THRAP3: variants seen among roughly 807,000 people sequenced by gnomAD.
THRAP3 encodes the protein thyroid hormone receptor-associated protein 3.
Under a neutral mutation model 101.0 loss-of-function variants are expected in THRAP3, and 16 were observed. The observed-to-expected ratio is 0.16, with a 90% CI of 0.11 to 0.24. THRAP3 has a LOEUF of 0.24. THRAP3 is among the 10% of genes least tolerant of loss of function. THRAP3 has a pLI of 1.00. For missense variants in THRAP3, 989 were observed against 1,202.7 expected, an observed-to-expected ratio of 0.82 and a Z score of 2.63; for synonymous variants, 407 against 422.6, an observed-to-expected ratio of 0.96 and a Z score of 0.45.
intron 2 of THRAP3, among the ~76,000 whole-genome samples, chr1:36,266,160 G>GA (rs11446813): frequency 0.59 from 82,109 of 139,046 alleles, 24,607 homozygotes; most frequent in East Asian, 0.71. Flanking sequence ...CTCAAAAAAA[G>GA]AAAAAAAAAA....
rs56296251 is a variant in THRAP3, at chr1:36,287,655, A to G, written c.1040+385A>G. The stretch of plus-strand genomic sequence containing the variant: ...TTAGACCCTCTAGCACCCACCATCT[A>G]CTATGTTCGATCTGCATCAGCCTAT... On this transcript the variant is annotated intron_variant, in intron 4 of 11. Transcript: ENST00000354618. 3 of 985,332 alleles carry G rather than the reference A, an allele frequency of 3.0e-6. No homozygotes were observed. The African/African-American group carries it at 5.2e-5, about 17-fold the overall frequency. 61.0% of individuals were successfully genotyped at this position (985,332 alleles called of 1,614,324 possible).
At chr1:36,283,580 A>G (rs1228403066) in intron 3 of THRAP3, among the ~76,000 whole-genome samples, 3 of 152,076 alleles carry the variant, frequency 2.0e-5, no homozygotes, top group Non-Finnish European at 2.9e-5. Flanking sequence ...TACATTAGCA[A>G]GGAGATGATT....
At chr1:36,226,980 G>T (rs1386226779) in intron 1 of THRAP3, among the ~76,000 whole-genome samples, 5 of 152,188 alleles carry the variant, frequency 3.3e-5, no homozygotes, top group African/African-American at 1.2e-4. Context: ...CACTGAAAAG[G>T]GGGAGACCTA....
chr1:36,250,216 T>C (rs1031166182), intron 1 of THRAP3, among the ~76,000 whole-genome samples: 1 of 117,698 alleles, frequency 8.5e-6, no homozygotes, highest in Non-Finnish European at 2.1e-5. Flanking sequence ...TAGGCATACT[T>C]TTTTTTTTTT....
chr1:36,243,869 G>C (rs1455847321), intron 1 of THRAP3, among the ~76,000 whole-genome samples: 11 of 143,734 alleles, frequency 7.7e-5, no homozygotes, highest in East Asian at 2.2e-4. Flanking sequence ...CTGGCCGGGT[G>C]GGGGGCTGAC....
chr1:36,228,264 C>G (rs905843984), intron 1 of THRAP3, among the ~76,000 whole-genome samples: 2 of 151,870 alleles, frequency 1.3e-5, no homozygotes, highest in African/African-American at 4.8e-5. Context: ...GTCACCCAGG[C>G]TGGAGTGCAA....
chr1:36,266,015 A>C (rs1476023373), intron 2 of THRAP3, among the ~76,000 whole-genome samples: 1 of 151,966 alleles, frequency 6.6e-6, no homozygotes, highest in East Asian at 1.9e-4. Flanking sequence ...TTAGCCAGGC[A>C]TGGTGACATG....
At chr1:36,213,993 GAAAGGAAAGAAAGAAA>G in the THRAP3 span, among the ~76,000 whole-genome samples, 759 of 83,768 alleles carry the variant, frequency 9.1e-3, 6 homozygotes, top group African/African-American at 0.02. Flanking sequence ...AAGAAAGAAA[GAAAGGAAAGAAAGAAA>G]GAAAGAAAGA....
At chr1:36,214,946 G>A in the THRAP3 span, among the ~76,000 whole-genome samples, 1 of 152,072 alleles carries the variant, frequency 6.6e-6, no homozygotes, top group African/African-American at 2.4e-5. Flanking sequence ...AATGGCCTGG[G>A]CGCGGTGGCT....
chr1:36,279,256 G>A (rs895559800), intron 2 of THRAP3, among the ~76,000 whole-genome samples: 1 of 152,006 alleles, frequency 6.6e-6, no homozygotes, highest in Non-Finnish European at 1.5e-5. Flanking sequence ...CACCTGTTGT[G>A]TAAGTCATCT....
the THRAP3 span, among the ~76,000 whole-genome samples, chr1:36,217,959 A>G: frequency 6.6e-6 from 1 of 152,298 alleles, no homozygotes; most frequent in African/African-American, 2.4e-5. Context: ...CTTTAAATCA[A>G]AAGCTAGAAA....
chr1:36,262,771 A>G (rs1242711019), intron 2 of THRAP3, among the ~76,000 whole-genome samples: 1 of 150,138 alleles, frequency 6.7e-6, no homozygotes, highest in African/African-American at 2.4e-5. Flanking sequence ...CTTCTATTTT[A>G]TTTTATTTTA....
intron 2 of THRAP3, among the ~76,000 whole-genome samples, chr1:36,280,813 A>G (rs1645721356): frequency 2.0e-5 from 3 of 152,016 alleles, no homozygotes. Context: ...CCAGGCGTTA[A>G]CCTCTCAGGG....
chr1:36,255,773 A>AG (rs144680015), intron 1 of THRAP3, among the ~76,000 whole-genome samples: 1 of 22,776 alleles, frequency 4.4e-5, no homozygotes, highest in Non-Finnish European at 9.0e-5. Context: ...ACTCTGTCTC[A>AG]AAAAAAAAAA....
chr1:36,304,304 A>G lies in THRAP3; in HGVS notation c.*287A>G, dbSNP rs1646068511. The G allele has an allele frequency of 3.6e-6, 1 of 278,196 alleles. No individual in the cohort carries two copies. Among genetic ancestry groups the G allele is most frequent in the African/African-American group, 2.2e-5 (1 of 46,046 alleles). 17.2% of individuals were successfully genotyped at this position (278,196 alleles called of 1,614,324 possible). A position where few individuals can be genotyped will look rare whatever the true frequency, so the allele number is the denominator to read the frequency against. ...TGGTGTGTGGGGTGGGGGCAGGGGT[A>G]GGGCGGGAGAGCGATGCTTGGATTT... On this transcript the variant is annotated 3_prime_UTR_variant, in exon 12 of 12. Transcript: ENST00000354618.
At position 36,227,869 on chromosome 1, in the gene THRAP3, A is replaced by G. The variant is rs191088231; in HGVS notation, c.-135+3364A>G. On this transcript the variant is annotated intron_variant, in intron 1 of 11. Coordinates refer to ENST00000354618, the MANE Select transcript of THRAP3 (RefSeq NM_005119.4). ...TTCGAAACAAGTAAACATATTCTGC[A>G]TGGCAGGACACTCTTTTTGTTTTTG... is the stretch of plus-strand genomic sequence containing the variant. 3.9e-5 allele frequency among the ~76,000 whole-genome samples: 6 copies of G among 151,950 alleles called. No homozygotes were observed. In the East Asian group the frequency reaches 9.8e-4, roughly 25 times the overall value.
chr1:36,232,455 CTG>C (rs948425646), intron 1 of THRAP3, among the ~76,000 whole-genome samples: 3 of 152,132 alleles, frequency 2.0e-5, no homozygotes, highest in African/African-American at 7.2e-5. Flanking sequence ...TCTTCAAAAA[CTG>C]TTGCTGTTTC....
chr1:36,210,718 TATATA>T, the THRAP3 span, among the ~76,000 whole-genome samples: 1 of 7,198 alleles, frequency 1.4e-4, no homozygotes, highest in African/African-American at 1.4e-3. Context: ...TATATATATA[TATATA>T]TATATATATA....
At chr1:36,293,692 GAGTATA>G (rs1018332677) in intron 7 of THRAP3, among the ~76,000 whole-genome samples, 153 bp from the exon 8 acceptor site, 2 of 134,578 alleles carry the variant, frequency 1.5e-5, no homozygotes, top group Admixed American at 7.6e-5. Flanking sequence ...GCCTATGGGA[GAGTATA>G]AGTATATAAG....
Sources: gnomAD v4.1 joint callset for allele counts (sites outside exome capture counted in the v4.1 genomes callset) on GRCh38, gnomAD v4.1.1 for gene constraint, MANE v1.5 for transcripts, NCBI Gene and HGNC (gene_info 2026-07-23, HGNC 2026-07-21) for gene names.